The following FARP1 variants were observed in gnomAD, a reference collection of about 807,000 sequenced individuals.
FARP1 encodes FERM, ARHGEF and pleckstrin domain-containing protein 1.
A neutral mutation model predicts 128.8 loss-of-function variants in FARP1; 52 were observed. The observed-to-expected ratio is 0.40, with a 90% CI of 0.32 to 0.51. FARP1 has a LOEUF of 0.51. FARP1 is among the 20% of genes least tolerant of loss of function. FARP1 has a pLI of 0.45. For synonymous variants in FARP1, 580 were observed against 551.8 expected (o/e 1.05, Z -0.72); for missense variants, 1,333 against 1,367.9 (o/e 0.97, Z 0.40).
intron 3 of FARP1, among the ~76,000 whole-genome samples, chr13:98,357,291 A>G (rs576855489): frequency 6.6e-6 from 1 of 152,144 alleles, no homozygotes; most frequent in East Asian, 1.9e-4. Flanking sequence ...CTTCCTTTCA[A>G]TTGAAATTTT....
chr13:98,244,562 G>A (rs1274108871), intron 2 of FARP1: 16 of 1,614,064 alleles, frequency 9.9e-6, no homozygotes, highest in Non-Finnish European at 1.4e-5. Context: ...GATGCTCCAT[G>A]AAGCCCAAGC....
intron 2 of FARP1, 24 bp downstream of exon 2, chr13:98,213,437 C>G: frequency 6.2e-7 from 1 of 1,608,936 alleles, no homozygotes; most frequent in Non-Finnish European, 8.5e-7. Flanking sequence ...TTATCTGTAA[C>G]CCAGGAGTGT....
chr13:98,177,601 C>T (rs1054004925), intron 1 of FARP1, among the ~76,000 whole-genome samples: 1 of 151,676 alleles, frequency 6.6e-6, no homozygotes, highest in African/African-American at 2.4e-5. Flanking sequence ...GAGCCGAGAT[C>T]ACGCCACTGT....
rs114442732 is a variant in FARP1, at chr13:98,196,225, G to A, written c.-23-16995G>A. ...TCTAAAATGACTGAATCATAAAGTC[G>A]CTGGATGGTAGAGAGGGTGACGGCT... On this transcript the variant is annotated intron_variant, in intron 1 of 26. Coordinates refer to ENST00000319562, the MANE Select transcript of FARP1 (RefSeq NM_005766.4). 4.8e-3 allele frequency among the ~76,000 whole-genome samples: 734 copies of A among 152,238 alleles called. 8 individuals carry two copies. Among genetic ancestry groups the A allele is most frequent in the African/African-American group, 0.017 (688 of 41,536 alleles).
intron 2 of FARP1, among the ~76,000 whole-genome samples, chr13:98,252,028 A>G (rs1228944039): frequency 1.3e-5 from 2 of 152,058 alleles, no homozygotes; most frequent in East Asian, 1.9e-4. Flanking sequence ...TTGTATTTTT[A>G]GTAGAGACAG....
chr13:98,189,001 A>C (rs1435768784), intron 1 of FARP1, among the ~76,000 whole-genome samples: 1 of 152,160 alleles, frequency 6.6e-6, no homozygotes, highest in Non-Finnish European at 1.5e-5. Context: ...CCAGCTCCAC[A>C]GGTGTCAGAC....
chr13:98,399,188 A>G (rs548236702), intron 13 of FARP1: 2 of 134,392 alleles, frequency 1.5e-5, no homozygotes, highest in South Asian at 2.3e-4. Context: ...GCTGTTTATC[A>G]TACATCCTGA....
At chr13:98,416,391 G>C (rs1304627117) in intron 16 of FARP1, among the ~76,000 whole-genome samples, 3 of 152,192 alleles carry the variant, frequency 2.0e-5, no homozygotes, top group Admixed American at 1.3e-4. Context: ...GGAAATTACA[G>C]GGCAGAGAAA....
chr13:98,434,334 T>C (rs1594533248), intron 18 of FARP1: 1 of 152,344 alleles, frequency 6.6e-6, no homozygotes, highest in East Asian at 1.9e-4. Context: ...GGTGGTCATG[T>C]CTGAAAATCG....
chr13:98,369,585 A>C (rs1249801146), intron 5 of FARP1, among the ~76,000 whole-genome samples: 1 of 151,078 alleles, frequency 6.6e-6, no homozygotes, highest in African/African-American at 2.4e-5. Context: ...CTCATTGTTC[A>C]GTTCACACCT....
intron 1 of FARP1, among the ~76,000 whole-genome samples, chr13:98,152,850 C>T (rs763557931): frequency 5.9e-5 from 9 of 152,110 alleles, no homozygotes; most frequent in Non-Finnish European, 8.8e-5. Flanking sequence ...GTGTGCAAGT[C>T]GTGCAACTGA....
intron 13 of FARP1, chr13:98,398,601 G>A (rs774528759): frequency 2.0e-5 from 3 of 152,188 alleles, no homozygotes; most frequent in Non-Finnish European, 2.9e-5. Context: ...TAGTGATCAA[G>A]TAGACTTAGG....
At chr13:98,165,846 T>G (rs1048393687) in intron 1 of FARP1, among the ~76,000 whole-genome samples, 1 of 148,900 alleles carries the variant, frequency 6.7e-6, no homozygotes, top group African/African-American at 2.5e-5. Flanking sequence ...GCCTCCAGAG[T>G]AGCTGAGATT....
chr13:98,332,530 G>T (rs1228474468), intron 2 of FARP1: 1 of 152,134 alleles, frequency 6.6e-6, no homozygotes, highest in Non-Finnish European at 1.5e-5. Context: ...AAATGTTTGG[G>T]AAGTTTTCTG....
intron 24 of FARP1, among the ~76,000 whole-genome samples, chr13:98,444,336 A>C (rs1461266844): frequency 6.6e-6 from 1 of 151,378 alleles, no homozygotes; most frequent in Non-Finnish European, 1.5e-5. Flanking sequence ...TGGGGGTGCA[A>C]TTCAACCCAC....
At chr13:98,261,518 CT>C (rs11407005) in intron 2 of FARP1, among the ~76,000 whole-genome samples, 422 of 139,746 alleles carry the variant, frequency 3.0e-3, no homozygotes, top group Middle Eastern at 0.015. Flanking sequence ...TGTCTGTGTA[CT>C]TTTTTTTTTT....
At chr13:98,169,854 C>G (rs1009577855) in intron 1 of FARP1, among the ~76,000 whole-genome samples, 10 of 151,818 alleles carry the variant, frequency 6.6e-5, no homozygotes, top group African/African-American at 2.4e-4. Flanking sequence ...CATTGTCCAT[C>G]AGTCTGAGAT....
At chr13:98,415,909 G>A (rs1228767887) in intron 16 of FARP1, among the ~76,000 whole-genome samples, 3 of 152,260 alleles carry the variant, frequency 2.0e-5, no homozygotes, top group Non-Finnish European at 4.4e-5. Flanking sequence ...GTAGGTGTGG[G>A]CCTCGTTGAA....
intron 2 of FARP1, among the ~76,000 whole-genome samples, chr13:98,313,503 T>C (rs535993835): frequency 1.3e-5 from 2 of 152,334 alleles, no homozygotes; most frequent in East Asian, 3.9e-4. Context: ...CCGGCCCTGC[T>C]AATGCCTTGA....
Sources: gnomAD v4.1 joint callset for allele counts (sites outside exome capture counted in the v4.1 genomes callset) on GRCh38, gnomAD v4.1.1 for gene constraint, MANE v1.5 for transcripts, NCBI Gene and HGNC (gene_info 2026-07-23, HGNC 2026-07-21) for gene names.